NPFFR2: variants seen among roughly 807,000 people sequenced by gnomAD.
NPFFR2 encodes neuropeptide FF receptor 2, also known as G-protein coupled receptor 74.
In NPFFR2, 15 loss-of-function variants were observed where a neutral mutation model predicts 13.1. That is an observed-to-expected ratio of 1.15 (90% CI 0.77 to 1.76). The LOEUF is 1.76. NPFFR2 is among the 40% of genes most tolerant of loss of function. The probability of loss-of-function intolerance (pLI) is 0.00; values close to 1 mark genes in which losing one functional copy is unlikely to be tolerated. For synonymous variants in NPFFR2, 190 were observed against 175.7 expected (o/e 1.08, Z -0.65); for missense variants, 572 against 503.5 (o/e 1.14, Z -1.30).
rs1722158152 is a variant in NPFFR2, at chr4:72,129,080, G to T, written c.328+161G>T. On this transcript the variant is annotated intron_variant, in intron 2 of 3. Coordinates refer to ENST00000308744, the MANE Select transcript of NPFFR2 (RefSeq NM_004885.3). ...CCCTCATTGGATCTGCATTCTGAAG[G>T]ACTAGATGGACAATAAATAATTATA... 2.0e-5 allele frequency among the ~76,000 whole-genome samples: 3 copies of T among 152,258 alleles called. No homozygotes were observed. The South Asian group carries it at 6.2e-4, about 32-fold the overall frequency.
chr4:72,085,258 G>C (rs1351126631), intron 1 of NPFFR2, among the ~76,000 whole-genome samples: 1 of 152,060 alleles, frequency 6.6e-6, no homozygotes, highest in Non-Finnish European at 1.5e-5. Context: ...TGGAGTTATT[G>C]TTTGCTCTCA....
intron 2 of NPFFR2, among the ~76,000 whole-genome samples, chr4:72,133,876 T>C (rs561257199): frequency 1.3e-5 from 2 of 152,244 alleles, no homozygotes; most frequent in East Asian, 1.9e-4. Flanking sequence ...CTGAGACTTT[T>C]AGGAAAGTTA....
At chr4:72,069,879 T>A (rs936231706) in intron 1 of NPFFR2, among the ~76,000 whole-genome samples, 2 of 152,108 alleles carry the variant, frequency 1.3e-5, no homozygotes, top group Admixed American at 6.6e-5. Context: ...TATAAAAAAA[T>A]TGATCATACA....
At chr4:72,064,798 T>C (rs1447353101) in intron 1 of NPFFR2, among the ~76,000 whole-genome samples, 3 of 152,142 alleles carry the variant, frequency 2.0e-5, no homozygotes, top group Non-Finnish European at 2.9e-5. Flanking sequence ...CTAGAGAGCC[T>C]GCATAGGTAG....
intron 1 of NPFFR2, among the ~76,000 whole-genome samples, chr4:72,071,052 A>G (rs1406466234): frequency 6.6e-6 from 1 of 152,168 alleles, no homozygotes; most frequent in African/African-American, 2.4e-5. Flanking sequence ...CAAATTATCA[A>G]AAGCAAATAA....
intron 1 of NPFFR2, among the ~76,000 whole-genome samples, chr4:72,103,965 T>G (rs1369176962): frequency 2.0e-5 from 3 of 152,014 alleles, no homozygotes; most frequent in Non-Finnish European, 4.4e-5. Flanking sequence ...AAATCAGTGA[T>G]TATTTCAAAA....
At chr4:72,122,678 G>T (rs1721922253) in intron 1 of NPFFR2, among the ~76,000 whole-genome samples, 1 of 152,154 alleles carries the variant, frequency 6.6e-6, no homozygotes, top group Non-Finnish European at 1.5e-5. Context: ...AATTAAGGCA[G>T]AAATAAGTAA....
chr4:72,071,531 T>G (rs1033212497), intron 1 of NPFFR2, among the ~76,000 whole-genome samples: 61 of 152,178 alleles, frequency 4.0e-4, no homozygotes, highest in African/African-American at 1.4e-3. Context: ...CTCTACAGTG[T>G]ATTGAAGGCT....
chr4:72,095,162 A>G (rs1354556236), intron 1 of NPFFR2, among the ~76,000 whole-genome samples: 2 of 152,208 alleles, frequency 1.3e-5, no homozygotes, highest in African/African-American at 2.4e-5. Flanking sequence ...GAAGGATAGT[A>G]AGAAGACGAG....
chr4:72,133,352 G>C (rs1431587363), intron 2 of NPFFR2, among the ~76,000 whole-genome samples: 1 of 152,086 alleles, frequency 6.6e-6, no homozygotes, highest in Non-Finnish European at 1.5e-5. Flanking sequence ...TCTCTATTCT[G>C]TTCCATTGGT....
At chr4:72,040,872 T>C (rs1362281696) in intron 1 of NPFFR2, among the ~76,000 whole-genome samples, 2 of 151,028 alleles carry the variant, frequency 1.3e-5, no homozygotes, top group Admixed American at 1.3e-4. Flanking sequence ...TTATATTCCA[T>C]CTTTTGCCTG....
chr4:72,046,377 C>G (rs905249653), intron 1 of NPFFR2, among the ~76,000 whole-genome samples: 3 of 152,112 alleles, frequency 2.0e-5, no homozygotes, highest in Non-Finnish European at 2.9e-5. Context: ...CTAGTTATTA[C>G]AGGAGTGGGC....
intron 3 of NPFFR2, among the ~76,000 whole-genome samples, chr4:72,142,849 G>T (rs953584851): frequency 6.6e-6 from 1 of 152,140 alleles, no homozygotes; most frequent in Non-Finnish European, 1.5e-5. Flanking sequence ...GGCTGGGTTG[G>T]TAACATCTAA....
At position 72,077,487 on chromosome 4, in the gene NPFFR2, T is replaced by C. The variant is rs10034098; in HGVS notation, c.-8+45287T>C. Among the ~76,000 whole-genome samples, 1,216 of 152,248 alleles carry C rather than the reference T, an allele frequency of 8.0e-3. 8 individuals carry two copies. Among genetic ancestry groups the C allele is most frequent in the African/African-American group, 0.017 (704 of 41,558 alleles). On this transcript the variant is annotated intron_variant, in intron 1 of 3. Transcript: ENST00000308744. ...CTTGCTTTTTTCTTTCCAAATGCCC[T>C]TCCAATGAGGGGAAGACAAAATTAA...
At chr4:72,141,674 T>C (rs1210770531) in intron 3 of NPFFR2, among the ~76,000 whole-genome samples, 1 of 152,204 alleles carries the variant, frequency 6.6e-6, no homozygotes, top group Non-Finnish European at 1.5e-5. Context: ...AGTGCTTTAC[T>C]TCCAACTATG....
intron 3 of NPFFR2, among the ~76,000 whole-genome samples, chr4:72,143,622 C>A (rs1174026342): frequency 1.3e-5 from 2 of 152,164 alleles, no homozygotes; most frequent in Admixed American, 6.5e-5. Flanking sequence ...AATCTCAGCA[C>A]CCCTTGGCCC....
chr4:72,048,926 G>A (rs1719463738), intron 1 of NPFFR2, among the ~76,000 whole-genome samples: 1 of 152,118 alleles, frequency 6.6e-6, no homozygotes, highest in South Asian at 2.1e-4. Context: ...AGTTAATGTA[G>A]TGTCTGCTTT....
chr4:72,108,151 G>C (rs887316117), intron 1 of NPFFR2, among the ~76,000 whole-genome samples: 1 of 151,982 alleles, frequency 6.6e-6, no homozygotes, highest in Non-Finnish European at 1.5e-5. Context: ...TACCACAGCA[G>C]AGTGAGGGTT....
chr4:72,113,270 G>T (rs954538103), intron 1 of NPFFR2, among the ~76,000 whole-genome samples: 1 of 151,980 alleles, frequency 6.6e-6, no homozygotes, highest in Non-Finnish European at 1.5e-5. Context: ...TTTTTCTTAG[G>T]ATTGGGTAAT....
Sources: allele counts gnomAD v4.1 joint callset (sites outside exome capture counted in the v4.1 genomes callset), GRCh38; gene constraint gnomAD v4.1.1; transcripts MANE v1.5; gene names NCBI Gene and HGNC (gene_info 2026-07-23, HGNC 2026-07-21).